GRIK2: variants seen among roughly 807,000 people sequenced by gnomAD.
GRIK2 encodes glutamate receptor ionotropic, kainate 2.
GRIK2 carries 32 observed loss-of-function variants against 100.3 expected under a neutral mutation model. That is an observed-to-expected ratio of 0.32 (90% CI 0.24 to 0.43). The LOEUF (loss-of-function observed/expected upper bound fraction) is 0.43, where lower values mean the gene tolerates loss of function less well. Ranked by LOEUF, GRIK2 falls within the 20% of genes least tolerant of loss-of-function variation. The pLI is 1.00. For missense variants in GRIK2, 843 were observed against 1,114.9 expected, an observed-to-expected ratio of 0.76 and a Z score of 3.47; for synonymous variants, 417 against 389.4, an observed-to-expected ratio of 1.07 and a Z score of -0.83.
chr6:102,005,791 A>G (rs1795188296), intron 14 of GRIK2, among the ~76,000 whole-genome samples: 1 of 152,062 alleles, frequency 6.6e-6, no homozygotes, highest in South Asian at 2.1e-4. Context: ...AATATTATAG[A>G]TTGGGTAACT....
chr6:101,849,582 A>G (rs566517132), intron 10 of GRIK2, among the ~76,000 whole-genome samples: 7 of 152,126 alleles, frequency 4.6e-5, no homozygotes, highest in African/African-American at 1.7e-4. Context: ...TAAAAACTAG[A>G]TTGCCCTCTT....
intron 2 of GRIK2, among the ~76,000 whole-genome samples, chr6:101,451,471 G>C (rs764641349): frequency 6.6e-6 from 1 of 151,570 alleles, no homozygotes; most frequent in Non-Finnish European, 1.5e-5. Context: ...CAATAAATTG[G>C]TTGAATAAAA....
intron 14 of GRIK2, among the ~76,000 whole-genome samples, chr6:101,932,132 G>A (rs1790328148): frequency 6.6e-6 from 1 of 151,850 alleles, no homozygotes; most frequent in South Asian, 2.1e-4. Flanking sequence ...AAATGATACC[G>A]AGTGCCCTTG....
chr6:101,508,414 TTCCTGAGACTAAGTCATCCC>T (rs889963144), intron 2 of GRIK2, among the ~76,000 whole-genome samples: 1 of 152,112 alleles, frequency 6.6e-6, no homozygotes, highest in African/African-American at 2.4e-5. Flanking sequence ...ATTAAGGACG[TTCCTGAGACTAAGTCATCCC>T]TCAATATTAT....
intron 16 of GRIK2, among the ~76,000 whole-genome samples, chr6:102,063,797 G>A (rs1326817565): frequency 6.7e-6 from 1 of 148,612 alleles, no homozygotes; most frequent in Admixed American, 6.7e-5. Flanking sequence ...TGTAAATATG[G>A]CCAAGTTCAT....
At chr6:101,798,498 C>A (rs1248851906) in intron 7 of GRIK2, among the ~76,000 whole-genome samples, 3 of 151,880 alleles carry the variant, frequency 2.0e-5, no homozygotes, top group Non-Finnish European at 4.4e-5. Flanking sequence ...TTATTATGTT[C>A]TCTTATTGCA....
chr6:101,507,435 T>C (rs926042682), intron 2 of GRIK2, among the ~76,000 whole-genome samples: 3 of 152,088 alleles, frequency 2.0e-5, no homozygotes, highest in African/African-American at 7.2e-5. Flanking sequence ...TTTCTCAGAA[T>C]TTTTCTACAG....
rs573644762 is a variant in GRIK2, at chr6:101,478,412, A to G, written c.115+79020A>G. Reference sequence around the variant, plus strand: ...ACAACTAGATTAAGAAATTAAAAGAATTTAAAATGGTTATAAATATAACCA... The same window carrying G: ...ACAACTAGATTAAGAAATTAAAAGAGTTTAAAATGGTTATAAATATAACCA... On this transcript the variant is annotated intron_variant, in intron 2 of 16. Coordinates refer to ENST00000369134, the MANE Select transcript of GRIK2 (RefSeq NM_021956.5). Among the ~76,000 whole-genome samples the G allele has an allele frequency of 7.4e-4, 112 of 152,118 alleles. 2 individuals carry two copies. The South Asian group carries it at 7.9e-3, about 11-fold the overall frequency.
At chr6:101,562,870 A>G (rs1777086410) in intron 2 of GRIK2, among the ~76,000 whole-genome samples, 1 of 152,150 alleles carries the variant, frequency 6.6e-6, no homozygotes, top group East Asian at 1.9e-4. Context: ...TAGAATATCT[A>G]TCTGTGGTCT....
chr6:101,774,512 C>T (rs531374455), intron 7 of GRIK2, among the ~76,000 whole-genome samples: 1 of 152,196 alleles, frequency 6.6e-6, no homozygotes. Context: ...TTAACAATCT[C>T]ATCAATACAA....
At chr6:101,835,464 CTTTTTTTTTTTTTT>C (rs764148146) in intron 10 of GRIK2, among the ~76,000 whole-genome samples, 1 of 89,020 alleles carries the variant, frequency 1.1e-5, no homozygotes, top group African/African-American at 4.9e-5. Context: ...CTATGAGTTC[CTTTTTTTTTTTTTT>C]TTTTTTTTTT....
chr6:101,665,686 C>A (rs1200655782), intron 4 of GRIK2, among the ~76,000 whole-genome samples: 3 of 152,074 alleles, frequency 2.0e-5, no homozygotes, highest in Admixed American at 2.0e-4. Context: ...TTGTTAGAAT[C>A]CATTTGAGAG....
intron 16 of GRIK2, among the ~76,000 whole-genome samples, chr6:102,065,632 G>A (rs1230620702): frequency 6.6e-6 from 1 of 151,298 alleles, no homozygotes; most frequent in African/African-American, 2.4e-5. Flanking sequence ...CCAAGAAGAA[G>A]GTGTCATAAA....
intron 2 of GRIK2, among the ~76,000 whole-genome samples, chr6:101,497,733 G>A (rs1020957343): frequency 6.6e-6 from 1 of 151,990 alleles, no homozygotes; most frequent in African/African-American, 2.4e-5. Flanking sequence ...TAACTTTTAA[G>A]TTCTGAATTT....
At chr6:101,446,174 G>T (rs1004684273) in intron 2 of GRIK2, among the ~76,000 whole-genome samples, 2 of 151,640 alleles carry the variant, frequency 1.3e-5, no homozygotes, top group Non-Finnish European at 2.9e-5. Flanking sequence ...TATGATCCTG[G>T]TATCCCAGGT....
chr6:102,065,035 A>G (rs1189338609), intron 16 of GRIK2, among the ~76,000 whole-genome samples: 1 of 151,310 alleles, frequency 6.6e-6, no homozygotes, highest in African/African-American at 2.4e-5. Flanking sequence ...AAATAACAAA[A>G]GAGCTGGCAA....
chr6:101,785,084 T>C (rs778882018), intron 7 of GRIK2, among the ~76,000 whole-genome samples: 1 of 152,184 alleles, frequency 6.6e-6, no homozygotes. Context: ...ATCTGTTGTC[T>C]GTTTTTATGT....
rs2243354 is a variant in GRIK2 at position 101,889,605 on chromosome 6, C to CTTTTTTTTTTT, written c.1525-29_1525-19dup. The CTTTTTTTTTTT allele has an allele frequency of 2.4e-4, 170 of 712,434 alleles. 4 individuals are homozygous for CTTTTTTTTTTT. Among genetic ancestry groups the CTTTTTTTTTTT allele is most frequent in the South Asian group, 9.4e-4 (37 of 39,510 alleles). The allele number at this position is 712,434 out of a possible 1,614,324, so 44.1% of individuals were successfully genotyped here. On this transcript the variant is annotated intron_variant, in intron 11 of 16. Coordinates refer to ENST00000369134, the MANE Select transcript of GRIK2 (RefSeq NM_021956.5). ...CAATTTTTTCTCTCTTTCTTTCTTTCTTTTTTTTTTTTTTTTGTTTGTTTC... is the reference window on the plus strand; with the variant it reads ...CAATTTTTTCTCTCTTTCTTTCTTTCTTTTTTTTTTTTTTTTTTTTTTTTTTTGTTTGTTTC...
chr6:101,905,267 A>C (rs553311179), intron 12 of GRIK2, among the ~76,000 whole-genome samples: 1 of 151,538 alleles, frequency 6.6e-6, no homozygotes, highest in Non-Finnish European at 1.5e-5. Flanking sequence ...AAATGAATGC[A>C]ATTATCAAAG....
Sources: gnomAD v4.1 joint callset for allele counts (sites outside exome capture counted in the v4.1 genomes callset) on GRCh38, gnomAD v4.1.1 for gene constraint, MANE v1.5 for transcripts, NCBI Gene and HGNC (gene_info 2026-07-23, HGNC 2026-07-21) for gene names.